The following BBS9 variants were observed in gnomAD, a reference collection of about 807,000 sequenced individuals.
The protein encoded by BBS9 is protein PTHB1.
Under a neutral mutation model 117.7 loss-of-function variants are expected in BBS9, and 89 were observed. That is an observed-to-expected ratio of 0.76 (90% CI 0.64 to 0.90). BBS9 has a LOEUF of 0.90. Among genes scored for constraint, BBS9 ranks in the 40% least tolerant of loss-of-function variants. The pLI is 0.00. For synonymous variants in BBS9, 379 were observed against 370.9 expected (o/e 1.02, Z -0.25); for missense variants, 982 against 1,042.2 (o/e 0.94, Z 0.80).
At chr7:33,561,124 A>G (rs965573143) in intron 21 of BBS9, among the ~76,000 whole-genome samples, 1 of 152,114 alleles carries the variant, frequency 6.6e-6, no homozygotes, top group Non-Finnish European at 1.5e-5. Flanking sequence ...CCTGCAGTTC[A>G]TTTTTCTAAT....
intron 19 of BBS9, among the ~76,000 whole-genome samples, chr7:33,460,840 TTTC>T (rs1839358949): frequency 6.6e-6 from 1 of 152,068 alleles, no homozygotes; most frequent in Non-Finnish European, 1.5e-5. Context: ...TTCTAAACCA[TTTC>T]CATCACTCCA....
rs529728032 is a variant in BBS9 at position 33,533,740 on chromosome 7, A to T, written c.2299-214A>T. ...TTAACATCCTCATTTGTAGATGAGGATGAGGCTAAGAGGAATTAAGTAACT... is the reference window on the plus strand; with the variant it reads ...TTAACATCCTCATTTGTAGATGAGGTTGAGGCTAAGAGGAATTAAGTAACT... On this transcript the variant is annotated intron_variant, in intron 20 of 22. Transcript: ENST00000242067. 12 of 586,572 alleles carry T rather than the reference A, an allele frequency of 2.0e-5. No individual in the cohort carries two copies. In the East Asian group the frequency reaches 3.2e-4, roughly 16 times the overall value. 36.3% of individuals were successfully genotyped at this position (586,572 alleles called of 1,614,324 possible).
At chr7:33,529,949 G>A (rs949173816) in intron 20 of BBS9, among the ~76,000 whole-genome samples, 4 of 152,074 alleles carry the variant, frequency 2.6e-5, no homozygotes, top group Non-Finnish European at 5.9e-5. Flanking sequence ...CAATTTAAGG[G>A]CTATGAATAA....
At chr7:33,547,742 T>G (rs1417636748) in intron 21 of BBS9, among the ~76,000 whole-genome samples, 1 of 152,224 alleles carries the variant, frequency 6.6e-6, no homozygotes, top group Non-Finnish European at 1.5e-5. Context: ...AGCCATAGCT[T>G]TTCACTTTCA....
chr7:33,416,980 A>T (rs1832111014), intron 19 of BBS9, among the ~76,000 whole-genome samples: 1 of 152,208 alleles, frequency 6.6e-6, no homozygotes, highest in Non-Finnish European at 1.5e-5. Flanking sequence ...TAGGGACCAT[A>T]GGTGAGACAG....
At chr7:33,517,555 C>T (rs1847979529) in intron 20 of BBS9, among the ~76,000 whole-genome samples, 1 of 152,236 alleles carries the variant, frequency 6.6e-6, no homozygotes. Context: ...CCCGTTGCCG[C>T]TCAACAGCAT....
intron 11 of BBS9, 128 bp from the exon 12 acceptor site, chr7:33,344,453 T>A: frequency 2.2e-6 from 2 of 893,552 alleles, no homozygotes; most frequent in Non-Finnish European, 1.9e-6. Context: ...AGTCTGTCAT[T>A]AGAGTAATAA....
rs1229388532 is a variant in BBS9 at position 33,308,782 on chromosome 7, T to C, written c.1017-27659T>C. Among the ~76,000 whole-genome samples the C allele has an allele frequency of 2.0e-5, 3 of 152,202 alleles. No individual in the cohort carries two copies. The East Asian group carries it at 5.8e-4, about 29-fold the overall frequency. On this transcript the variant is annotated intron_variant, in intron 9 of 22. Coordinates refer to ENST00000242067, the MANE Select transcript of BBS9 (RefSeq NM_198428.3). Reference sequence around the variant, plus strand: ...TTTTAAAAATAGACTTTGTACTTATTGTTCCTCAATCCTGACGTAGCTTCT... The same window carrying C: ...TTTTAAAAATAGACTTTGTACTTATCGTTCCTCAATCCTGACGTAGCTTCT...
At chr7:33,517,986 G>T (rs1282102845) in intron 20 of BBS9, among the ~76,000 whole-genome samples, 3 of 152,078 alleles carry the variant, frequency 2.0e-5, no homozygotes, top group Non-Finnish European at 4.4e-5. Flanking sequence ...CTCATGGCTT[G>T]CTTCATATAA....
rs762511626 is a variant in BBS9, at chr7:33,349,108, T to C, written c.1370T>C (p.Leu457Ser). The change falls in exon 13 of 23, where the codon TTA becomes TCA. Residue 457 changes from leucine (L) to serine (S), a missense_variant. Leu to Ser is a moderately radical substitution (Grantham distance 145). Coordinates refer to ENST00000242067, the MANE Select transcript of BBS9 (RefSeq NM_198428.3). Reference sequence around the variant, plus strand: ...AGAGTGATATTGCAAAAAGCCAAATTATCAGTCTACGTGCAACCACCATTA... The same window carrying C: ...AGAGTGATATTGCAAAAAGCCAAATCATCAGTCTACGTGCAACCACCATTA... ...QNRVILQKAK[L>S]SVYVQPPLEL... 5 of 1,613,400 alleles carry C rather than the reference T, an allele frequency of 3.1e-6. No individual in the cohort carries two copies. Among genetic ancestry groups the C allele is most frequent in the Non-Finnish European group, 4.2e-6 (5 of 1,179,490 alleles).
intron 7 of BBS9, among the ~76,000 whole-genome samples, chr7:33,272,299 G>A (rs1013198350): frequency 1.3e-5 from 2 of 152,136 alleles, no homozygotes; most frequent in African/African-American, 4.8e-5. Context: ...AAACCTCTGT[G>A]AAATGAATTT....
At chr7:33,224,276 G>T (rs1036884976) in intron 5 of BBS9, among the ~76,000 whole-genome samples, 1 of 152,196 alleles carries the variant, frequency 6.6e-6, no homozygotes, top group Admixed American at 6.5e-5. Context: ...GATGGTTATA[G>T]AAGTTAAATT....
chr7:33,323,165 T>C (rs1349723373), intron 9 of BBS9, among the ~76,000 whole-genome samples: 2 of 152,200 alleles, frequency 1.3e-5, no homozygotes, highest in Non-Finnish European at 2.9e-5. Context: ...ATTTTGTCTG[T>C]TTTTGAGAAT....
intron 19 of BBS9, among the ~76,000 whole-genome samples, chr7:33,444,685 C>G (rs1302452275): frequency 6.6e-6 from 1 of 152,146 alleles, no homozygotes; most frequent in East Asian, 1.9e-4. Flanking sequence ...TGGATTTATG[C>G]CAGGGTCAAG....
At chr7:33,172,762 A>C (rs892888181) in intron 4 of BBS9, among the ~76,000 whole-genome samples, 11 of 149,210 alleles carry the variant, frequency 7.4e-5, no homozygotes, top group Admixed American at 6.6e-4. Flanking sequence ...GTACAACAAC[A>C]AAAAATTATA....
At position 33,467,670 on chromosome 7, in the gene BBS9, C is replaced by G. The variant is rs572386006; in HGVS notation, c.2116-37793C>G. 7.3e-5 allele frequency among the ~76,000 whole-genome samples: 11 copies of G among 151,406 alleles called. No individual in the cohort carries two copies. The South Asian group carries it at 2.3e-3, about 32-fold the overall frequency. On this transcript the variant is annotated intron_variant, in intron 19 of 22. Transcript: ENST00000242067. ...ACACAAATTGCACATAACATTAGAT[C>G]ATCCTTAGGTGGTAGAAATTAAATT...
chr7:33,319,557 A>AT (rs986682013), intron 9 of BBS9, among the ~76,000 whole-genome samples: 8 of 151,358 alleles, frequency 5.3e-5, no homozygotes, highest in East Asian at 1.9e-4. Context: ...GCCAACATCT[A>AT]TTTTTTTTTA....
At chr7:33,348,381 T>C (rs1228243313) in intron 12 of BBS9, among the ~76,000 whole-genome samples, 1 of 152,202 alleles carries the variant, frequency 6.6e-6, no homozygotes, top group Admixed American at 6.5e-5. Context: ...CTAATGGTTT[T>C]TATCATTAAT....
chr7:33,418,123 A>G (rs1010983443), intron 19 of BBS9, among the ~76,000 whole-genome samples: 2 of 152,162 alleles, frequency 1.3e-5, no homozygotes, highest in Non-Finnish European at 2.9e-5. Context: ...TCTTGGGAGG[A>G]AATTTAAAAT....
Sources: allele counts gnomAD v4.1 joint callset (sites outside exome capture counted in the v4.1 genomes callset), GRCh38; gene constraint gnomAD v4.1.1; transcripts MANE v1.5; gene names NCBI Gene and HGNC (gene_info 2026-07-23, HGNC 2026-07-21).